NCKAP1L: variants seen among roughly 807,000 people sequenced by gnomAD.
NCKAP1L encodes the protein NCK associated protein 1 like.
In NCKAP1L, 53 loss-of-function variants were observed where a neutral mutation model predicts 139.2. The ratio of observed to expected loss-of-function variants is 0.38; its 90% CI spans 0.31 to 0.48. The LOEUF is 0.48. Among genes scored for constraint, NCKAP1L ranks in the 20% least tolerant of loss-of-function variants. The probability of loss-of-function intolerance (pLI) is 0.98; values close to 1 mark genes in which losing one functional copy is unlikely to be tolerated. For missense variants in NCKAP1L, 1,151 were observed against 1,381.9 expected, an observed-to-expected ratio of 0.83 and a Z score of 2.65; for synonymous variants, 468 against 499.7, an observed-to-expected ratio of 0.94 and a Z score of 0.85.
At chr12:54,534,700 A>C (rs1957100296) in intron 26 of NCKAP1L, among the ~76,000 whole-genome samples, 1 of 152,236 alleles carries the variant, frequency 6.6e-6, no homozygotes, top group African/African-American at 2.4e-5. Context: ...TCCTGGCAGC[A>C]CCGAATAAAG....
intron 9 of NCKAP1L, among the ~76,000 whole-genome samples, chr12:54,514,842 T>C (rs1427001426): frequency 6.6e-6 from 1 of 152,166 alleles, no homozygotes; most frequent in Non-Finnish European, 1.5e-5. Flanking sequence ...AGATTAATAA[T>C]TAGAAGTTAC....
chr12:54,506,824 T>TATATATATATATATATATATATATA (rs71070825), intron 3 of NCKAP1L, among the ~76,000 whole-genome samples: 1 of 137,800 alleles, frequency 7.3e-6, no homozygotes. Context: ...TATATATATA[T>TATATATATATATATATATATATATA]TCCTTAATCT....
At chr12:54,535,894 T>C (rs1351043375) in intron 27 of NCKAP1L, among the ~76,000 whole-genome samples, 7 of 152,214 alleles carry the variant, frequency 4.6e-5, no homozygotes, top group Admixed American at 4.6e-4. Flanking sequence ...CTGAAAGTTC[T>C]GCCCTGTTGC....
At chr12:54,541,752 C>G (rs1957160052) in intron 30 of NCKAP1L, among the ~76,000 whole-genome samples, 1 of 152,136 alleles carries the variant, frequency 6.6e-6, no homozygotes, top group South Asian at 2.1e-4. Context: ...TTGTGGAGAA[C>G]CCATCTGTGT....
intron 1 of NCKAP1L, chr12:54,498,913 A>ATATTTATTTATTTCTT (rs1956772934): frequency 4.9e-6 from 1 of 202,278 alleles, no homozygotes; most frequent in African/African-American, 2.6e-5. Context: ...TTTTATTTTT[A>ATATTTATTTATTTCTT]TATTTATTTA....
intron 22 of NCKAP1L, among the ~76,000 whole-genome samples, chr12:54,528,951 G>A (rs1957047232): frequency 6.6e-6 from 1 of 152,114 alleles, no homozygotes; most frequent in East Asian, 1.9e-4. Flanking sequence ...TTATGCTTTA[G>A]GGATACATTT....
At position 54,506,796 on chromosome 12, in the gene NCKAP1L, A is replaced by AAAAAAAAAATATAT; in HGVS notation, c.307-1056_307-1055insAAAAAAAATATATA. Among the ~76,000 whole-genome samples, 57 of 50,604 alleles carry AAAAAAAAAATATAT rather than the reference A, an allele frequency of 1.1e-3. 1 individual carries two copies. Among genetic ancestry groups the AAAAAAAAAATATAT allele is most frequent in the African/African-American group, 2.8e-3 (25 of 9,056 alleles). 33.2% of individuals were successfully genotyped at this position (50,604 alleles called of 152,430 possible). A position where few individuals can be genotyped will look rare whatever the true frequency, so the allele number is the denominator to read the frequency against. Reference sequence around the variant, plus strand: ...TTTTGGCAACATATTAAAAAAAAAAAATATATATATATATATATATATATA... The same window carrying AAAAAAAAAATATAT: ...TTTTGGCAACATATTAAAAAAAAAAAAAAAAAAAATATATATATATATATATATATATATATATA... On this transcript the variant is annotated intron_variant, in intron 3 of 30. Coordinates refer to ENST00000293373, the MANE Select transcript of NCKAP1L (RefSeq NM_005337.5).
chr12:54,537,080 G>T, intron 29 of NCKAP1L, 27 bp downstream of exon 29: 1 of 1,462,432 alleles, frequency 6.8e-7, no homozygotes, highest in Non-Finnish European at 9.6e-7. Context: ...TATAAAGAAT[G>T]GAAGATTGCA....
At position 54,544,237 on chromosome 12, in the gene NCKAP1L, G is replaced by C. The variant is rs1957181954; in HGVS notation, c.*1552G>C. Reference sequence around the variant, plus strand: ...CAGTGTCAGGCTTATGAGACTGAGAGTAAAGTTGATGAGGAAGAGGAGGCT... The same window carrying C: ...CAGTGTCAGGCTTATGAGACTGAGACTAAAGTTGATGAGGAAGAGGAGGCT... On this transcript the variant is annotated 3_prime_UTR_variant, in exon 31 of 31. Transcript: ENST00000293373. 1 of 152,142 alleles carries C rather than the reference G, an allele frequency of 6.6e-6. No homozygotes were observed. Among genetic ancestry groups the C allele is most frequent in the South Asian group, 2.1e-4 (1 of 4,824 alleles). The allele number at this position is 152,142 out of a possible 1,614,324, so 9.4% of individuals were successfully genotyped here. A position where few individuals can be genotyped will look rare whatever the true frequency, so the allele number is the denominator to read the frequency against.
At chr12:54,518,543 A>G (rs1956952732) in intron 13 of NCKAP1L, 108 bp from the exon 14 acceptor site, 1 of 889,578 alleles carries the variant, frequency 1.1e-6, no homozygotes, top group Non-Finnish European at 1.9e-6. Context: ...TCTGTTTTTA[A>G]CACTTAGCAA....
At chr12:54,518,311 C>T (rs2120921146) in intron 13 of NCKAP1L, among the ~76,000 whole-genome samples, 1 of 151,618 alleles carries the variant, frequency 6.6e-6, no homozygotes, top group Non-Finnish European at 1.5e-5. Flanking sequence ...CACTGCACTC[C>T]AGCTTGGGCG....
Position 54,519,299 on chromosome 12 carries a change from T to G in NCKAP1L, c.1592T>G (p.Leu531Trp). The part of the protein sequence containing the change: ...HSRMLDSVEK[L>W]LVETSDLSTF... ...CGAATGCTGGACTCCGTAGAAAAAT[T>G]GCTGGTGGAAACTTCTGATCTGTCT... The change falls in exon 16 of 31, where the codon TTG becomes TGG. Residue 531 changes from leucine (L) to tryptophan (W), a missense_variant. Leu to Trp is a moderately conservative substitution (Grantham distance 61, BLOSUM62 -2). Coordinates refer to ENST00000293373, the MANE Select transcript of NCKAP1L (RefSeq NM_005337.5). 1 of 1,585,026 alleles carries G rather than the reference T, an allele frequency of 6.3e-7. No homozygotes were observed. The highest frequency in any genetic ancestry group is 8.5e-7 in the Non-Finnish European group (1 of 1,172,630).
intron 30 of NCKAP1L, among the ~76,000 whole-genome samples, chr12:54,539,486 G>T (rs1388749644): frequency 6.6e-6 from 1 of 152,218 alleles, no homozygotes; most frequent in African/African-American, 2.4e-5. Context: ...GGCAGCTCCT[G>T]CTGTCTCTTC....
chr12:54,535,392 A>G (rs1455158021), intron 27 of NCKAP1L, among the ~76,000 whole-genome samples, 195 bp downstream of exon 27: 1 of 152,228 alleles, frequency 6.6e-6, no homozygotes, highest in Non-Finnish European at 1.5e-5. Context: ...GGTTTCAACT[A>G]GTTGATCTAC....
chr12:54,500,446 T>C (rs1285018970), intron 2 of NCKAP1L, 87 bp from the exon 3 acceptor site: 3 of 928,448 alleles, frequency 3.2e-6, no homozygotes, highest in Non-Finnish European at 5.3e-6. Context: ...AAGAATGTTT[T>C]AGGTATAACC....
intron 30 of NCKAP1L, among the ~76,000 whole-genome samples, chr12:54,541,848 A>G (rs1957160599): frequency 6.6e-6 from 1 of 152,048 alleles, no homozygotes; most frequent in South Asian, 2.1e-4. Flanking sequence ...TGAAGGAAAT[A>G]CACCCTGCTC....
intron 19 of NCKAP1L, 114 bp downstream of exon 19, chr12:54,523,653 G>A: frequency 6.8e-7 from 1 of 1,461,940 alleles, no homozygotes; most frequent in Non-Finnish European, 9.2e-7. Context: ...GGGAATGAGG[G>A]GCATGGAAAA....
At chr12:54,508,638 C>T (rs1418904571) in intron 5 of NCKAP1L, 107 bp downstream of exon 5, 1 of 1,176,106 alleles carries the variant, frequency 8.5e-7, no homozygotes. Context: ...ATATGAGAAC[C>T]TATAATCTAC....
chr12:54,536,059 C>T, intron 27 of NCKAP1L, 70 bp from the exon 28 acceptor site: 2 of 1,063,170 alleles, frequency 1.9e-6, no homozygotes, highest in Non-Finnish European at 2.9e-6. Flanking sequence ...GAAGTAGGAC[C>T]CCTGTAACAG....
Sources: allele counts gnomAD v4.1 joint callset (sites outside exome capture counted in the v4.1 genomes callset), GRCh38; gene constraint gnomAD v4.1.1; transcripts MANE v1.5; gene names NCBI Gene and HGNC (gene_info 2026-07-23, HGNC 2026-07-21).